The following DOCK4 variants were observed in gnomAD, a reference collection of about 807,000 sequenced individuals.
The protein encoded by DOCK4 is dedicator of cytokinesis 4.
In DOCK4, 97 loss-of-function variants were observed where a neutral mutation model predicts 268.1. That is an observed-to-expected ratio of 0.36 (90% CI 0.31 to 0.43). The LOEUF (loss-of-function observed/expected upper bound fraction) is 0.43, where lower values mean the gene tolerates loss of function less well. Ranked by LOEUF, DOCK4 falls within the 20% of genes least tolerant of loss-of-function variation. The pLI is 1.00. For synonymous variants in DOCK4, 954 were observed against 887.2 expected, an observed-to-expected ratio of 1.08 and a Z score of -1.34; for missense variants, 2,145 against 2,455.7, an observed-to-expected ratio of 0.87 and a Z score of 2.67.
At chr7:111,920,189 T>G (rs1273482454) in intron 12 of DOCK4, among the ~76,000 whole-genome samples, 1 of 152,026 alleles carries the variant, frequency 6.6e-6, no homozygotes, top group South Asian at 2.1e-4. Context: ...GAAGTTTCAG[T>G]TGGACAAGAT....
In DOCK4 at chr7:112,098,661, G is replaced by C. The variant is rs1193389166; in HGVS notation, c.38-94530C>G. Among the ~76,000 whole-genome samples the C allele has an allele frequency of 4.0e-5, 6 of 148,916 alleles. No homozygotes were observed. The East Asian group carries it at 1.2e-3, about 29-fold the overall frequency. On this transcript the variant is annotated intron_variant, in intron 1 of 52. Coordinates refer to ENST00000428084, the MANE Select transcript of DOCK4 (RefSeq NM_001363540.2). ...TTATATAGATTATGTAAAATTATGT[G>C]TAATTTTATGTAATTATATAGATTA...
intron 8 of DOCK4, among the ~76,000 whole-genome samples, chr7:111,955,346 T>C (rs922719040): frequency 2.0e-5 from 3 of 152,224 alleles, no homozygotes; most frequent in African/African-American, 4.8e-5. Context: ...AGGAGATAGA[T>C]GATGTTTTCT....
chr7:111,926,120 A>AAAAGAAAGAAAG lies in DOCK4; in HGVS notation c.1066+9408_1066+9419dup, dbSNP rs71524823. Reference sequence around the variant, plus strand: ...AGAAAGAGAGAGAGAGAGAAAGAGAAAAAGAAAGAAAGAAAGAAAGAAAGA... The same window carrying AAAAGAAAGAAAG: ...AGAAAGAGAGAGAGAGAGAAAGAGAAAAAGAAAGAAAGAAAGAAAGAAAGAAAGAAAGAAAGA... On this transcript the variant is annotated intron_variant, in intron 12 of 52. Transcript: ENST00000428084. Among the ~76,000 whole-genome samples, 27 of 135,194 alleles carry AAAAGAAAGAAAG rather than the reference A, an allele frequency of 2.0e-4. 2 individuals carry two copies. The highest frequency in any genetic ancestry group is 5.4e-4 in the African/African-American group (18 of 33,122). 88.7% of individuals were successfully genotyped at this position (135,194 alleles called of 152,430 possible).
chr7:111,995,572 C>T (rs1489776304), intron 4 of DOCK4, among the ~76,000 whole-genome samples: 2 of 151,856 alleles, frequency 1.3e-5, no homozygotes, highest in South Asian at 2.1e-4. Flanking sequence ...CTCAAGAAAA[C>T]GTCTAATACA....
intron 45 of DOCK4, 151 bp downstream of exon 45, chr7:111,741,862 G>C: frequency 7.9e-7 from 1 of 1,273,240 alleles, no homozygotes; most frequent in Non-Finnish European, 1.1e-6. Flanking sequence ...GCAAATAGCA[G>C]ACAAGGCAAT....
chr7:112,064,708 C>T (rs1806762125), intron 1 of DOCK4, among the ~76,000 whole-genome samples: 1 of 152,142 alleles, frequency 6.6e-6, no homozygotes, highest in Non-Finnish European at 1.5e-5. Context: ...AAGTTGAAAT[C>T]CTAACCTCAA....
chr7:111,995,582 A>C (rs1033609542), intron 4 of DOCK4, among the ~76,000 whole-genome samples: 1 of 152,268 alleles, frequency 6.6e-6, no homozygotes, highest in East Asian at 1.9e-4. Flanking sequence ...CGTCTAATAC[A>C]TAGAAAGTAA....
At chr7:112,067,884 T>C (rs1258855925) in intron 1 of DOCK4, among the ~76,000 whole-genome samples, 5 of 152,200 alleles carry the variant, frequency 3.3e-5, no homozygotes, top group Admixed American at 3.3e-4. Context: ...CCACTGGCAG[T>C]TTAATTATTA....
chr7:111,787,583 T>C (rs1799260965), intron 32 of DOCK4, among the ~76,000 whole-genome samples: 1 of 152,172 alleles, frequency 6.6e-6, no homozygotes, highest in African/African-American at 2.4e-5. Context: ...TTCAAGATAA[T>C]TTTTAATCAG....
intron 1 of DOCK4, among the ~76,000 whole-genome samples, chr7:112,068,616 T>C (rs1807292500): frequency 1.3e-5 from 2 of 152,342 alleles, no homozygotes; most frequent in South Asian, 4.1e-4. Flanking sequence ...TGACTCTGCC[T>C]TAGGCAATGA....
intron 10 of DOCK4, among the ~76,000 whole-genome samples, chr7:111,940,814 GTTA>G (rs1008198478): frequency 6.6e-6 from 1 of 152,100 alleles, no homozygotes; most frequent in African/African-American, 2.4e-5. Flanking sequence ...TTAAAAATAT[GTTA>G]TTAATACATT....
In DOCK4 at chr7:111,990,548, T is replaced by G. The variant is rs1290986626; in HGVS notation, c.316-1385A>C. The stretch of plus-strand genomic sequence containing the variant: ...GACGTGTTATCTGCTTTTTCGGTAC[T>G]TGGTGTCTTGAATTTTTCACATGAT... On this transcript the variant is annotated intron_variant, in intron 5 of 52. Transcript: ENST00000428084. Among the ~76,000 whole-genome samples, 10 of 152,204 alleles carry G rather than the reference T, an allele frequency of 6.6e-5. 1 individual carries two copies. Among genetic ancestry groups the G allele is most frequent in the Admixed American group, 6.5e-4 (10 of 15,278 alleles).
chr7:111,858,544 C>T (rs1346153104), intron 23 of DOCK4, among the ~76,000 whole-genome samples: 1 of 150,586 alleles, frequency 6.6e-6, no homozygotes, highest in Non-Finnish European at 1.5e-5. Context: ...AGAATATGCT[C>T]CCTCTTCCTG....
chr7:112,133,074 A>C (rs1251516751), intron 1 of DOCK4, among the ~76,000 whole-genome samples: 1 of 152,154 alleles, frequency 6.6e-6, no homozygotes, highest in African/African-American at 2.4e-5. Flanking sequence ...CTAATATTGA[A>C]GTCCTTCTGA....
chr7:111,915,916 G>A lies in DOCK4; in HGVS notation c.1067-12C>T. 1 of 1,607,708 alleles carries A rather than the reference G, an allele frequency of 6.2e-7. No homozygotes were observed. Among genetic ancestry groups the A allele is most frequent in the South Asian group, 1.1e-5 (1 of 89,446 alleles). ...GGAAACTGCTAAACCTAAAACAGAT[G>A]AGAGATACCCGAGTTAAAAACAGAA... On this transcript the variant is annotated splice_polypyrimidine_tract_variant and intron_variant, in intron 12 of 52. Transcript: ENST00000428084.
chr7:111,952,907 G>A (rs1382014939), intron 8 of DOCK4, among the ~76,000 whole-genome samples: 1 of 152,078 alleles, frequency 6.6e-6, no homozygotes, highest in Non-Finnish European at 1.5e-5. Context: ...TAGCATATCT[G>A]AAAAAGCAGT....
Position 111,767,089 on chromosome 7 carries a change from C to T in DOCK4, c.3858G>A (p.Arg1286=), listed in dbSNP as rs1460323752. 1.2e-6 allele frequency: 2 copies of T among 1,613,646 alleles called. No individual in the cohort carries two copies. Among genetic ancestry groups the T allele is most frequent in the African/African-American group, 1.3e-5 (1 of 74,904 alleles). ...AACTCTCATACTGCTCTGCAATCTT[C>T]CGGCACAAGATAATGCCATTCTCCC... The part of the protein sequence containing the change: ...KCWENGIILC[R]KIAEQYESYY... Residue 1286 remains arginine, a synonymous_variant, in exon 38 of 53, where the codon CGG becomes CGA. Transcript: ENST00000428084.
intron 1 of DOCK4, among the ~76,000 whole-genome samples, chr7:112,023,052 C>G (rs1213886825): frequency 6.6e-6 from 1 of 152,034 alleles, no homozygotes; most frequent in Admixed American, 6.6e-5. Context: ...CTTTGCCTCC[C>G]GAGTAGCTGG....
intron 1 of DOCK4, among the ~76,000 whole-genome samples, chr7:112,160,553 G>C (rs1357851587): frequency 6.6e-6 from 1 of 152,170 alleles, no homozygotes; most frequent in Non-Finnish European, 1.5e-5. Flanking sequence ...TCTCTGGAAA[G>C]TATCTTAATC....
Sources: allele counts gnomAD v4.1 joint callset (sites outside exome capture counted in the v4.1 genomes callset), GRCh38; gene constraint gnomAD v4.1.1; transcripts MANE v1.5; gene names NCBI Gene and HGNC (gene_info 2026-07-23, HGNC 2026-07-21).